Variants in PHF6 observed in about 807,000 individuals in gnomAD.
PHF6 encodes the protein PHD finger protein 6.
PHF6 carries 7 observed loss-of-function variants against 34.0 expected under a neutral mutation model. That is an observed-to-expected ratio of 0.21 (90% CI 0.12 to 0.39). The LOEUF (loss-of-function observed/expected upper bound fraction) is 0.39, where lower values mean the gene tolerates loss of function less well. PHF6 is among the 10% of genes least tolerant of loss of function. PHF6 has a pLI of 1.00. For missense variants in PHF6, 128 were observed against 262.8 expected (o/e 0.49, Z 3.55); for synonymous variants, 89 against 88.4 (o/e 1.01, Z -0.04).
At chrX:134,415,498 C>A (rs1014417372) in intron 8 of PHF6, among the ~76,000 whole-genome samples, 4 of 111,664 alleles carry the variant, frequency 3.6e-5, no homozygotes, top group African/African-American at 1.3e-4. Context: ...ATACACAGGG[C>A]TGCCTCTTAA....
chrX:134,389,928 C>T (rs1159621226), intron 3 of PHF6, among the ~76,000 whole-genome samples: 8 of 111,566 alleles, frequency 7.2e-5, no homozygotes, highest in Non-Finnish European at 1.3e-4. Context: ...CAATGACATA[C>T]TTACTGAACA....
intron 5 of PHF6, among the ~76,000 whole-genome samples, chrX:134,394,543 GT>G (rs1339561125): frequency 5.4e-4 from 54 of 99,264 alleles, no homozygotes; most frequent in East Asian, 1.9e-3. Context: ...ATTTCTTTGT[GT>G]TTTTTTTTTT....
intron 8 of PHF6, 25 bp from the exon 9 acceptor site, chrX:134,417,144 C>T (rs376190602): frequency 5.8e-6 from 7 of 1,206,696 alleles, no homozygotes; most frequent in African/African-American, 5.2e-5. Flanking sequence ...ATACGGCTTA[C>T]GATTATTTCT....
chrX:134,422,279 A>G (rs937481339), intron 9 of PHF6, among the ~76,000 whole-genome samples: 14 of 112,179 alleles, frequency 1.2e-4, no homozygotes, highest in Middle Eastern at 4.6e-3. Flanking sequence ...AGTTTATTCT[A>G]TTGGTTCCTT....
In PHF6 at chrX:134,428,101, GTCTTTTTTCTT is replaced by G. The variant is rs1262048590; in HGVS notation, c.*2454_*2464del. 6.4e-6 allele frequency: 1 copy of G among 155,211 alleles called. No individual in the cohort carries two copies. The highest frequency in any genetic ancestry group is 8.5e-5 in the Admixed American group (1 of 11,753). The allele number at this position is 155,211 out of a possible 1,213,427, so 12.8% of individuals were successfully genotyped here. On this transcript the variant is annotated 3_prime_UTR_variant, in exon 11 of 11. Coordinates refer to ENST00000370803, the MANE Select transcript of PHF6 (RefSeq NM_001015877.2). ...ATATTTTAGCCTGAAATTTTGAAGC[GTCTTTTTTCTT>G]TCTTTTTTCTTTTTTTGTTTTGTTT...
intron 5 of PHF6, among the ~76,000 whole-genome samples, chrX:134,401,974 T>G (rs2077404126): frequency 9.2e-6 from 1 of 108,802 alleles, no homozygotes; most frequent in South Asian, 4.0e-4. Context: ...ATTGGTTGTT[T>G]TTTGTTTGTT....
At chrX:134,392,698 C>G (rs148460436) in intron 3 of PHF6, among the ~76,000 whole-genome samples, 2,940 of 111,772 alleles carry the variant, frequency 0.026, 60 homozygotes, top group African/African-American at 0.07. Flanking sequence ...CTACCTAATT[C>G]TTTCACCTTG....
At chrX:134,377,366 T>C (rs1188211241) in intron 1 of PHF6, among the ~76,000 whole-genome samples, 2 of 112,039 alleles carry the variant, frequency 1.8e-5, no homozygotes, top group Non-Finnish European at 3.8e-5. Context: ...ATGTATAAAC[T>C]GATTTTAAAA....
At chrX:134,394,898 C>G (rs1201045962) in intron 5 of PHF6, among the ~76,000 whole-genome samples, 1 of 104,808 alleles carries the variant, frequency 9.5e-6, no homozygotes, top group Non-Finnish European at 1.9e-5. Context: ...CGCTCTGTTG[C>G]CCAGAGTGCA....
At chrX:134,386,874 G>A (rs1454724478) in intron 3 of PHF6, among the ~76,000 whole-genome samples, 1 of 112,102 alleles carries the variant, frequency 8.9e-6, no homozygotes, top group East Asian at 2.8e-4. Context: ...GAGCATGGCT[G>A]TGTTTTAATT....
chrX:134,427,173 A>G lies in PHF6; in HGVS notation c.*1513A>G, dbSNP rs963785951. ...GCTTTTATTTTAACCATCTTTTACT[A>G]TTTTTAGAAGGAAACTAGCTTTAGT... On this transcript the variant is annotated 3_prime_UTR_variant, in exon 11 of 11. Coordinates refer to ENST00000370803, the MANE Select transcript of PHF6 (RefSeq NM_001015877.2). The G allele has an allele frequency of 2.4e-4, 39 of 162,650 alleles. No individual in the cohort carries two copies. Among genetic ancestry groups the G allele is most frequent in the Non-Finnish European group, 4.3e-4 (36 of 84,215 alleles). 13.4% of individuals were successfully genotyped at this position (162,650 alleles called of 1,213,427 possible).
At chrX:134,390,977 C>CTTTT (rs1216287733) in intron 3 of PHF6, among the ~76,000 whole-genome samples, 1 of 71,494 alleles carries the variant, frequency 1.4e-5, no homozygotes, top group Admixed American at 1.7e-4. Flanking sequence ...TTTTTTTTTT[C>CTTTT]TTTTTTTTTT....
At chrX:134,408,406 T>G (rs1281602967) in intron 5 of PHF6, among the ~76,000 whole-genome samples, 1 of 112,101 alleles carries the variant, frequency 8.9e-6, no homozygotes, top group Non-Finnish European at 1.9e-5. Context: ...ACACAGGGAA[T>G]GAGTACTGTC....
chrX:134,415,289 G>A, intron 8 of PHF6, 169 bp downstream of exon 8: 1 of 824,433 alleles, frequency 1.2e-6, no homozygotes, highest in Non-Finnish European at 1.8e-6. Context: ...TGATGTTACT[G>A]AAACTTATTT....
At chrX:134,393,370 A>G (rs909304253) in intron 3 of PHF6, 131 bp from the exon 4 acceptor site, 3 of 655,563 alleles carry the variant, frequency 4.6e-6, no homozygotes, top group Non-Finnish European at 7.0e-6. Flanking sequence ...GAAAACAAGA[A>G]AAGTAGCATT....
At position 134,426,825 on chromosome X, in the gene PHF6, C is replaced by A. The variant is rs1391732825; in HGVS notation, c.*1165C>A. 11 of 162,115 alleles carry A rather than the reference C, an allele frequency of 6.8e-5. No individual in the cohort carries two copies. The highest frequency in any genetic ancestry group is 1.2e-4 in the Non-Finnish European group (10 of 83,689). 13.4% of individuals were successfully genotyped at this position (162,115 alleles called of 1,213,427 possible). ...ACTTACCTGCTGAAGCACATTTATG[C>A]ATTTCTTTATGGCAAAACCAAATAA... On this transcript the variant is annotated 3_prime_UTR_variant, in exon 11 of 11. Transcript: ENST00000370803.
intron 5 of PHF6, among the ~76,000 whole-genome samples, chrX:134,399,350 AGAATGTAC>A (rs2077391645): frequency 9.0e-6 from 1 of 111,416 alleles, no homozygotes; most frequent in South Asian, 3.8e-4. Context: ...CAAAATCCAT[AGAATGTAC>A]CACACTAAGA....
chrX:134,394,955 C>T (rs1173650170), intron 5 of PHF6, among the ~76,000 whole-genome samples: 1 of 108,171 alleles, frequency 9.2e-6, no homozygotes, highest in Non-Finnish European at 1.9e-5. Context: ...TGGGTTCAAG[C>T]GATTCTCCTG....
intron 9 of PHF6, among the ~76,000 whole-genome samples, chrX:134,420,741 C>T (rs957320596): frequency 3.6e-5 from 4 of 110,382 alleles, no homozygotes; most frequent in Middle Eastern, 9.1e-3. Context: ...TACAGGCACA[C>T]GTGACCATGC....
Sources: allele counts gnomAD v4.1 joint callset (sites outside exome capture counted in the v4.1 genomes callset), GRCh38; gene constraint gnomAD v4.1.1; transcripts MANE v1.5; gene names NCBI Gene and HGNC (gene_info 2026-07-23, HGNC 2026-07-21).